FHIT: variants seen among roughly 807,000 people sequenced by gnomAD.
FHIT encodes the protein bis(5'-adenosyl)-triphosphatase.
FHIT carries 19 observed loss-of-function variants against 17.9 expected under a neutral mutation model. The observed-to-expected ratio is 1.06, with a 90% CI of 0.74 to 1.56. The LOEUF is 1.56. Among genes scored for constraint, FHIT ranks in the 40% most tolerant of loss-of-function variants. FHIT has a pLI of 0.00. For missense variants in FHIT, 248 were observed against 189.2 expected (o/e 1.31, Z -1.82); for synonymous variants, 81 against 69.7 (o/e 1.16, Z -0.81).
intron 4 of FHIT, among the ~76,000 whole-genome samples, chr3:60,542,819 C>G (rs992715492): frequency 2.0e-5 from 3 of 152,062 alleles, no homozygotes; most frequent in South Asian, 2.1e-4. Flanking sequence ...CGAACAAATC[C>G]CTCTCTACCA....
chr3:61,104,219 C>T (rs1044472501), intron 2 of FHIT, among the ~76,000 whole-genome samples: 7 of 152,218 alleles, frequency 4.6e-5, no homozygotes, highest in East Asian at 1.9e-4. Flanking sequence ...CCATTCTTCC[C>T]GTATTTAGTG....
chr3:60,502,631 T>C (rs566184042), intron 5 of FHIT, among the ~76,000 whole-genome samples: 3 of 152,334 alleles, frequency 2.0e-5, no homozygotes, highest in Non-Finnish European at 4.4e-5. Flanking sequence ...ATTTTTTATT[T>C]ATTGCCTACC....
intron 5 of FHIT, among the ~76,000 whole-genome samples, chr3:60,357,123 G>A (rs542407546): frequency 6.6e-6 from 1 of 152,232 alleles, no homozygotes; most frequent in East Asian, 1.9e-4. Flanking sequence ...ATATTATGTA[G>A]GCATTCTCAA....
chr3:60,874,236 T>A (rs550371657), intron 3 of FHIT, among the ~76,000 whole-genome samples: 4 of 152,288 alleles, frequency 2.6e-5, no homozygotes, highest in African/African-American at 9.6e-5. Flanking sequence ...TTTATTAAAC[T>A]CTAAATACAT....
At chr3:60,044,667 C>A (rs945147120) in intron 5 of FHIT, among the ~76,000 whole-genome samples, 5 of 152,144 alleles carry the variant, frequency 3.3e-5, no homozygotes, top group African/African-American at 9.7e-5. Context: ...TGCACATGGT[C>A]ACAATTAAAT....
At chr3:60,715,615 C>G (rs1287522392) in intron 4 of FHIT, among the ~76,000 whole-genome samples, 1 of 102,352 alleles carries the variant, frequency 9.8e-6, no homozygotes, top group Non-Finnish European at 1.8e-5. Context: ...ACTCTGGGGA[C>G]TGTTGTGGGG....
At chr3:60,879,708 CAG>C (rs1216416521) in intron 3 of FHIT, among the ~76,000 whole-genome samples, 2 of 151,560 alleles carry the variant, frequency 1.3e-5, no homozygotes, top group African/African-American at 2.4e-5. Flanking sequence ...AGAAATTCAA[CAG>C]AGATAGATAT....
chr3:60,032,429 G>A (rs1701039722), intron 5 of FHIT, among the ~76,000 whole-genome samples: 1 of 151,272 alleles, frequency 6.6e-6, no homozygotes, highest in Non-Finnish European at 1.5e-5. Flanking sequence ...TCCAGCCTAG[G>A]TGAAGGAGCA....
chr3:60,013,944 G>C (rs1009692525), intron 6 of FHIT, 63 bp downstream of exon 6: 6 of 1,525,586 alleles, frequency 3.9e-6, no homozygotes, highest in Non-Finnish European at 5.4e-6. Context: ...ATCAGGAGGA[G>C]CAAGCCCAAT....
intron 4 of FHIT, among the ~76,000 whole-genome samples, chr3:60,656,056 T>C (rs2107815049): frequency 6.6e-6 from 1 of 152,326 alleles, no homozygotes; most frequent in Middle Eastern, 3.4e-3. Flanking sequence ...GTTTAAACGA[T>C]AGCTGCTGTG....
intron 3 of FHIT, among the ~76,000 whole-genome samples, chr3:60,988,243 T>A (rs1006620327): frequency 4.6e-5 from 7 of 152,160 alleles, no homozygotes; most frequent in African/African-American, 1.7e-4. Flanking sequence ...AAAAATGTAA[T>A]GTAATATTTT....
At chr3:60,490,671 CAAAAA>C (rs377411602) in intron 5 of FHIT, among the ~76,000 whole-genome samples, 1 of 125,154 alleles carries the variant, frequency 8.0e-6, no homozygotes, top group Non-Finnish European at 1.7e-5. Flanking sequence ...TGATTTGTAC[CAAAAA>C]AAAAAAAAAA....
intron 5 of FHIT, among the ~76,000 whole-genome samples, chr3:60,342,944 T>C (rs544443789): frequency 7.2e-4 from 109 of 152,266 alleles, no homozygotes; most frequent in African/African-American, 2.5e-3. Context: ...GAAATTATAT[T>C]AGTAAACTCA....
chr3:60,668,046 T>A (rs782093030), intron 4 of FHIT, among the ~76,000 whole-genome samples: 1 of 152,012 alleles, frequency 6.6e-6, no homozygotes, highest in Non-Finnish European at 1.5e-5. Context: ...CAAAGAGGCT[T>A]CCTAGAATTG....
chr3:60,003,687 A>T (rs1030993923), intron 7 of FHIT, among the ~76,000 whole-genome samples: 1 of 151,972 alleles, frequency 6.6e-6, no homozygotes, highest in Admixed American at 6.6e-5. Flanking sequence ...AGAGGTTTTA[A>T]TAAGCCGAGA....
At chr3:60,930,275 C>G (rs1201186362) in intron 3 of FHIT, among the ~76,000 whole-genome samples, 3 of 152,128 alleles carry the variant, frequency 2.0e-5, no homozygotes, top group Non-Finnish European at 4.4e-5. Context: ...AGAAGAAAAC[C>G]TAGGCAATAC....
intron 5 of FHIT, among the ~76,000 whole-genome samples, chr3:60,328,310 A>G (rs1031148183): frequency 6.6e-6 from 1 of 152,214 alleles, no homozygotes; most frequent in Non-Finnish European, 1.5e-5. Flanking sequence ...GTTCATTTTC[A>G]TACTGCTATG....
At chr3:60,695,253 A>C (rs2041088159) in intron 4 of FHIT, among the ~76,000 whole-genome samples, 1 of 151,972 alleles carries the variant, frequency 6.6e-6, no homozygotes, top group African/African-American at 2.4e-5. Flanking sequence ...AAATTTAGCC[A>C]GGTGTGGTGG....
intron 8 of FHIT, among the ~76,000 whole-genome samples, chr3:59,853,115 GC>G (rs1702008565): frequency 6.6e-6 from 1 of 152,172 alleles, no homozygotes; most frequent in African/African-American, 2.4e-5. Context: ...TTCCAAAGAG[GC>G]TGTAATATGT....
Sources: gnomAD v4.1 joint callset for allele counts (sites outside exome capture counted in the v4.1 genomes callset) on GRCh38, gnomAD v4.1.1 for gene constraint, MANE v1.5 for transcripts, NCBI Gene and HGNC (gene_info 2026-07-23, HGNC 2026-07-21) for gene names.